MARCHF1: variants seen among roughly 807,000 people sequenced by gnomAD.
MARCHF1 encodes the protein membrane associated ring-CH-type finger 1.
MARCHF1 carries 40 observed loss-of-function variants against 54.2 expected under a neutral mutation model. The observed-to-expected ratio is 0.74, with a 90% CI of 0.57 to 0.96. The LOEUF (loss-of-function observed/expected upper bound fraction) is 0.96. Among genes scored for constraint, MARCHF1 ranks in the 40% least tolerant of loss-of-function variants. The probability of loss-of-function intolerance (pLI) is 0.00; values close to 1 mark genes in which losing one functional copy is unlikely to be tolerated. For synonymous variants in MARCHF1, 236 were observed against 236.3 expected (o/e 1.00, Z 0.01); for missense variants, 586 against 656.5 (o/e 0.89, Z 1.17).
intron 1 of MARCHF1, among the ~76,000 whole-genome samples, chr4:164,195,254 CAT>C (rs1033791757): frequency 6.6e-6 from 1 of 151,884 alleles, no homozygotes; most frequent in Non-Finnish European, 1.5e-5. Context: ...AATCAGCACT[CAT>C]ATGTTTACCA....
At chr4:163,830,278 T>A (rs1156349809) in intron 4 of MARCHF1, among the ~76,000 whole-genome samples, 2 of 150,754 alleles carry the variant, frequency 1.3e-5, no homozygotes, top group Non-Finnish European at 3.0e-5. Context: ...ATTAAACATA[T>A]AATTGTATAA....
At chr4:164,301,709 G>A (rs1734565965) in intron 1 of MARCHF1, among the ~76,000 whole-genome samples, 1 of 152,010 alleles carries the variant, frequency 6.6e-6, no homozygotes, top group African/African-American at 2.4e-5. Flanking sequence ...AAATAAAACT[G>A]ACAGAAAAAT....
intron 7 of MARCHF1, among the ~76,000 whole-genome samples, chr4:163,594,446 AAAAT>A (rs756815080): frequency 4.0e-5 from 6 of 151,884 alleles, no homozygotes; most frequent in Non-Finnish European, 7.4e-5. Context: ...ATCATGCTGA[AAAAT>A]AAAGATTACA....
intron 3 of MARCHF1, among the ~76,000 whole-genome samples, chr4:163,924,787 G>A (rs899948223): frequency 5.3e-5 from 8 of 151,768 alleles, no homozygotes; most frequent in South Asian, 2.1e-4. Flanking sequence ...CAAGCTCTTC[G>A]CCAAATTTGC....
intron 1 of MARCHF1, among the ~76,000 whole-genome samples, chr4:164,307,517 G>T (rs1734727644): frequency 6.6e-6 from 1 of 152,188 alleles, no homozygotes; most frequent in African/African-American, 2.4e-5. Flanking sequence ...TGTAATCCTT[G>T]TGCTATCTCA....
intron 1 of MARCHF1, among the ~76,000 whole-genome samples, chr4:164,349,656 G>A (rs1730220668): frequency 6.6e-6 from 1 of 152,050 alleles, no homozygotes; most frequent in African/African-American, 2.4e-5. Context: ...TAATTTATAG[G>A]ACTTGAATAT....
At chr4:163,649,264 C>G (rs1222485481) in intron 5 of MARCHF1, among the ~76,000 whole-genome samples, 1 of 151,924 alleles carries the variant, frequency 6.6e-6, no homozygotes, top group Non-Finnish European at 1.5e-5. Flanking sequence ...TTATATCATA[C>G]AAAAAGGACA....
chr4:163,727,304 TC>T (rs1274243039), intron 4 of MARCHF1, among the ~76,000 whole-genome samples: 2 of 138,100 alleles, frequency 1.4e-5, no homozygotes, highest in Non-Finnish European at 3.2e-5. Flanking sequence ...TAAATTCATT[TC>T]TTTTTTTTCT....
intron 4 of MARCHF1, among the ~76,000 whole-genome samples, chr4:163,774,398 G>A (rs1037100321): frequency 8.6e-5 from 13 of 151,904 alleles, no homozygotes; most frequent in African/African-American, 1.7e-4. Flanking sequence ...ATGTTTCCAC[G>A]GTCATTTACA....
intron 9 of MARCHF1, among the ~76,000 whole-genome samples, chr4:163,543,853 C>T (rs536777591): frequency 1.3e-5 from 2 of 152,240 alleles, no homozygotes; most frequent in African/African-American, 4.8e-5. Flanking sequence ...AATTTTCTTT[C>T]CTTCTCATGT....
intron 4 of MARCHF1, among the ~76,000 whole-genome samples, chr4:163,724,235 A>C (rs1375772583): frequency 6.6e-6 from 1 of 152,116 alleles, no homozygotes; most frequent in Non-Finnish European, 1.5e-5. Flanking sequence ...TTTTCCTTCT[A>C]ATGGTCACGA....
In MARCHF1 at chr4:164,305,316, T is replaced by C. The variant is rs185943430; in HGVS notation, c.-323+78554A>G. 3.3e-5 allele frequency among the ~76,000 whole-genome samples: 5 copies of C among 152,312 alleles called. No homozygotes were observed. In the East Asian group the frequency reaches 5.8e-4, roughly 18 times the overall value. ...AAGTGCAGAATATTTTGAGAAAGAT[T>C]AACTGTTGAGTAGTGAGTTCAAGAT... On this transcript the variant is annotated intron_variant, in intron 1 of 9. Coordinates refer to ENST00000514618, the MANE Select transcript of MARCHF1 (RefSeq NM_001394959.1).
chr4:164,047,227 C>T (rs1266600334), intron 2 of MARCHF1, among the ~76,000 whole-genome samples: 2 of 151,644 alleles, frequency 1.3e-5, no homozygotes, highest in Non-Finnish European at 2.9e-5. Context: ...AGCTGACAAG[C>T]AGCAAGAAAA....
chr4:163,725,195 CT>C (rs1745614441), intron 4 of MARCHF1, among the ~76,000 whole-genome samples: 2 of 152,098 alleles, frequency 1.3e-5, no homozygotes, highest in African/African-American at 4.8e-5. Context: ...CTTAAATGTT[CT>C]AGAGTGGCAT....
intron 7 of MARCHF1, among the ~76,000 whole-genome samples, chr4:163,609,216 G>A (rs1015292045): frequency 8.6e-5 from 13 of 151,964 alleles, no homozygotes; most frequent in Admixed American, 3.3e-4. Context: ...TTGTCTGCTG[G>A]ACAGCTGACC....
At chr4:164,001,856 T>C (rs1419661520) in intron 2 of MARCHF1, among the ~76,000 whole-genome samples, 1 of 151,830 alleles carries the variant, frequency 6.6e-6, no homozygotes, top group African/African-American at 2.4e-5. Context: ...TTTGCAAGGT[T>C]ATGAAGGGAA....
At chr4:163,580,650 G>A (rs1481971420) in intron 8 of MARCHF1, among the ~76,000 whole-genome samples, 1 of 152,130 alleles carries the variant, frequency 6.6e-6, no homozygotes, top group Non-Finnish European at 1.5e-5. Context: ...AAAATAATTG[G>A]TGTGCATATA....
chr4:163,915,142 A>G (rs1020126831), intron 3 of MARCHF1, among the ~76,000 whole-genome samples: 2 of 152,142 alleles, frequency 1.3e-5, no homozygotes, highest in Admixed American at 6.6e-5. Flanking sequence ...TAAAGATTTG[A>G]ATGTGAGAAA....
intron 2 of MARCHF1, among the ~76,000 whole-genome samples, chr4:164,070,547 A>G (rs1286273755): frequency 6.6e-6 from 1 of 152,034 alleles, no homozygotes; most frequent in Non-Finnish European, 1.5e-5. Flanking sequence ...GATGGTCTAC[A>G]TTCACACCAG....
Sources: allele counts gnomAD v4.1 joint callset (sites outside exome capture counted in the v4.1 genomes callset), GRCh38; gene constraint gnomAD v4.1.1; transcripts MANE v1.5; gene names NCBI Gene and HGNC (gene_info 2026-07-23, HGNC 2026-07-21).